The following ZNF555 variants were observed in gnomAD, a reference collection of about 807,000 sequenced individuals.
ZNF555 encodes the protein zinc finger protein 555.
In ZNF555, 10 loss-of-function variants were observed where a neutral mutation model predicts 14.0. The observed-to-expected ratio is 0.72, with a 90% CI of 0.44 to 1.21. The LOEUF is 1.21. ZNF555 is among the 50% of genes most tolerant of loss of function. The pLI is 0.00. For synonymous variants in ZNF555, 277 were observed against 262.4 expected (o/e 1.06, Z -0.54); for missense variants, 747 against 762.0 (o/e 0.98, Z 0.23).
At chr19:2,849,116 G>A (rs558753781) in intron 1 of ZNF555, among the ~76,000 whole-genome samples, 4 of 152,320 alleles carry the variant, frequency 2.6e-5, no homozygotes, top group South Asian at 4.1e-4. Context: ...ATACTCTGCA[G>A]CTCTGTGAAT....
Position 2,855,709 on chromosome 19 carries a change from A to G in ZNF555, c.*1757A>G, listed in dbSNP as rs2087678011. On this transcript the variant is annotated 3_prime_UTR_variant, in exon 4 of 4. Coordinates refer to ENST00000334241, the MANE Select transcript of ZNF555 (RefSeq NM_152791.5). ...CTCAGTTCTGGACCCAGAAATCCAG[A>G]AACAAGGCATTGGCAGGACCATGCT... 6.6e-6 allele frequency: 1 copy of G among 152,220 alleles called. No individual in the cohort carries two copies. Among genetic ancestry groups the G allele is most frequent in the Admixed American group, 6.5e-5 (1 of 15,288 alleles). 9.4% of individuals were successfully genotyped at this position (152,220 alleles called of 1,614,324 possible).
chr19:2,853,317 C>A lies in ZNF555; in HGVS notation c.1252C>A (p.His418Asn). 2 of 1,614,176 alleles carry A rather than the reference C, an allele frequency of 1.2e-6. No individual in the cohort carries two copies. The highest frequency in any genetic ancestry group is 1.7e-6 in the Non-Finnish European group (2 of 1,180,032). Residue 418 changes from histidine to asparagine, a missense_variant, in exon 4 of 4, where the codon CAC becomes AAC. Transcript: ENST00000334241. ...CTCCTTTCGAGGACACATGAGGGTG[C>A]ACACTGGAGAGAAACCCTATGAGTG... ...PSSFRGHMRV[H>N]TGEKPYECKQ... is the part of the protein sequence containing the mutation.
In ZNF555 at chr19:2,859,507, A is replaced by G. The variant is rs1031166342; in HGVS notation, c.*5555A>G. The G allele has an allele frequency of 3.3e-5, 5 of 152,238 alleles. No individual in the cohort carries two copies. The highest frequency in any genetic ancestry group is 9.7e-5 in the African/African-American group (4 of 41,406). The allele number at this position is 152,238 out of a possible 1,614,324, so 9.4% of individuals were successfully genotyped here. On this transcript the variant is annotated 3_prime_UTR_variant, in exon 4 of 4. Coordinates refer to ENST00000334241, the MANE Select transcript of ZNF555 (RefSeq NM_152791.5). ...TGATGGCGTCAGAGGTGACTGCAAAAAAGGACAGGGCAGCTGGGCGAGGAA... is the reference window on the plus strand; with the variant it reads ...TGATGGCGTCAGAGGTGACTGCAAAGAAGGACAGGGCAGCTGGGCGAGGAA...
chr19:2,850,580 G>A lies in ZNF555; in HGVS notation c.4-7G>A. 1 of 1,613,060 alleles carries A rather than the reference G, an allele frequency of 6.2e-7. No individual in the cohort carries two copies. The highest frequency in any genetic ancestry group is 8.5e-7 in the Non-Finnish European group (1 of 1,179,310). On this transcript the variant is annotated splice_polypyrimidine_tract_variant and splice_region_variant and intron_variant, in intron 1 of 3. Transcript: ENST00000334241. ...CATCCTCCCATAAATATGTTGAATT[G>A]TTTTAGGACTCAGTGGTCTTTGAGG...
In ZNF555 at chr19:2,860,311, C is replaced by T. The variant is rs1033367554; in HGVS notation, c.*6359C>T. On this transcript the variant is annotated 3_prime_UTR_variant, in exon 4 of 4. Transcript: ENST00000334241. ...TCAGGAAAGAGTGTCTGTGAATGTC[C>T]ATGTGTCTCACTGCACAGCTGTGAT... 37 of 151,532 alleles carry T rather than the reference C, an allele frequency of 2.4e-4. No homozygotes were observed. Among genetic ancestry groups the T allele is most frequent in the African/African-American group, 8.3e-4 (34 of 41,198 alleles). The allele number at this position is 151,532 out of a possible 1,614,324, so 9.4% of individuals were successfully genotyped here. A position where few individuals can be genotyped will look rare whatever the true frequency, so the allele number is the denominator to read the frequency against.
In ZNF555 at chr19:2,853,393, T is replaced by G. The variant is rs145818821; in HGVS notation, c.1328T>G (p.Met443Arg). ...FNWPISLRKH[M>R]RTHTREKPYE... ...TGGCCCATATCTTTACGAAAACATA[T>G]GAGAACACATACTAGAGAGAAACCC... is the stretch of plus-strand genomic sequence containing the variant. Residue 443 changes from methionine to arginine, a missense_variant, in exon 4 of 4, where the codon ATG (methionine) becomes AGG (arginine). Transcript: ENST00000334241. 2 of 1,613,950 alleles carry G rather than the reference T, an allele frequency of 1.2e-6. No individual in the cohort carries two copies. The highest frequency in any genetic ancestry group is 1.7e-5 in the Admixed American group (1 of 60,004).
At chr19:2,844,168 A>G (rs1401027463) in intron 1 of ZNF555, among the ~76,000 whole-genome samples, 2 of 136,874 alleles carry the variant, frequency 1.5e-5, no homozygotes, top group African/African-American at 2.8e-5. Context: ...AGTGGCAGGA[A>G]CTTGGCTCAC....
At chr19:2,846,617 C>T (rs533314588) in intron 1 of ZNF555, among the ~76,000 whole-genome samples, 1 of 152,328 alleles carries the variant, frequency 6.6e-6, no homozygotes, top group South Asian at 2.1e-4. Context: ...TGGGCAGTGT[C>T]AGGTTTTAGC....
intron 1 of ZNF555, among the ~76,000 whole-genome samples, chr19:2,850,176 A>T (rs909438593): frequency 5.3e-5 from 8 of 152,326 alleles, no homozygotes; most frequent in African/African-American, 1.9e-4. Context: ...TTATCCCATA[A>T]AACTTCAGTT....
In ZNF555 at chr19:2,850,632, G is replaced by A. The variant is rs2087620718; in HGVS notation, c.49G>A (p.Glu17Lys). The change falls in exon 2 of 4, where the codon GAG becomes AAG. Residue 17 changes from glutamate to lysine, a missense_variant. By Grantham distance (56) the Glu-to-Lys change is moderately conservative. Coordinates refer to ENST00000334241, the MANE Select transcript of ZNF555 (RefSeq NM_152791.5). ...EDVAVDFTLE[E>K]WALLDSAQRD... The stretch of plus-strand genomic sequence containing the variant: ...TGTGGCTGTGGACTTCACCCTGGAG[G>A]AGTGGGCTTTGCTGGATTCTGCTCA... The A allele has an allele frequency of 6.2e-7, 1 of 1,613,950 alleles. No individual in the cohort carries two copies. The highest frequency in any genetic ancestry group is 1.7e-5 in the Admixed American group (1 of 59,996).
rs1255019359 is a variant in ZNF555, at chr19:2,851,563, A to G, written c.226A>G (p.Arg76Gly). Residue 76 changes from arginine (R) to glycine (G), a missense_variant, in exon 3 of 4, where the codon AGA becomes GGA. Coordinates refer to ENST00000334241, the MANE Select transcript of ZNF555 (RefSeq NM_152791.5). The part of the protein sequence containing the change: ...PKESKIATFT[R>G]NVSWASVLGK... ...GGAATCTAAAATAGCCACGTTCACCAGAAATGTTTCCTGGGCCTCTGTTTT... is the reference window on the plus strand; with the variant it reads ...GGAATCTAAAATAGCCACGTTCACCGGAAATGTTTCCTGGGCCTCTGTTTT... 1 of 1,612,906 alleles carries G rather than the reference A, an allele frequency of 6.2e-7. No homozygotes were observed. Among genetic ancestry groups the G allele is most frequent in the Non-Finnish European group, 8.5e-7 (1 of 1,179,792 alleles).
chr19:2,852,530 C>G lies in ZNF555; in HGVS notation c.465C>G (p.Arg155=). 6.2e-7 allele frequency: 1 copy of G among 1,614,104 alleles called. No homozygotes were observed. The highest frequency in any genetic ancestry group is 8.5e-7 in the Non-Finnish European group (1 of 1,180,032). Residue 155 remains arginine (R), a synonymous_variant, in exon 4 of 4, where the codon CGC becomes CGG. Coordinates refer to ENST00000334241, the MANE Select transcript of ZNF555 (RefSeq NM_152791.5). Reference sequence around the variant, plus strand: ...CGTACGGAAAAGTCTTCATGCATCGCCGCACATCCCTCAAGAGTCCCATCA... The same window carrying G: ...CGTACGGAAAAGTCTTCATGCATCGGCGCACATCCCTCAAGAGTCCCATCA... ...YNTYGKVFMH[R]RTSLKSPITV... is the part of the protein sequence containing the mutation.
chr19:2,858,810 C>T lies in ZNF555; in HGVS notation c.*4858C>T, dbSNP rs1467560281. On this transcript the variant is annotated 3_prime_UTR_variant, in exon 4 of 4. Transcript: ENST00000334241. ...CCCATGACATCACAAAGATGCCCAG[C>T]TGGGACCCACCTACAGTGATGGGGT... The T allele has an allele frequency of 6.6e-6, 1 of 152,344 alleles. No individual in the cohort carries two copies. Among genetic ancestry groups the T allele is most frequent in the East Asian group, 1.9e-4 (1 of 5,194 alleles). 9.4% of individuals were successfully genotyped at this position (152,344 alleles called of 1,614,324 possible). A position where few individuals can be genotyped will look rare whatever the true frequency, so the allele number is the denominator to read the frequency against.
At chr19:2,849,161 G>A (rs1463870222) in intron 1 of ZNF555, among the ~76,000 whole-genome samples, 1 of 152,104 alleles carries the variant, frequency 6.6e-6, no homozygotes, top group East Asian at 1.9e-4. Flanking sequence ...CTGCGTGACA[G>A]TATTTTGTCT....
rs1289711849 is a variant in ZNF555, at chr19:2,853,903, A to G, written c.1838A>G (p.His613Arg). ...EFMCSASEKS[H>R]QERDLIKVVN... ...ATGTGCAGTGCTTCAGAAAAGTCAC[A>G]CCAGGAGAGAGATCTGATCAAAGTT... is the stretch of plus-strand genomic sequence containing the variant. Residue 613 changes from histidine to arginine, a missense_variant, in exon 4 of 4, where the codon CAC becomes CGC. His to Arg is a conservative substitution (Grantham distance 29). Coordinates refer to ENST00000334241, the MANE Select transcript of ZNF555 (RefSeq NM_152791.5). 2 of 1,613,962 alleles carry G rather than the reference A, an allele frequency of 1.2e-6. No individual in the cohort carries two copies. The highest frequency in any genetic ancestry group is 1.1e-5 in the South Asian group (1 of 91,084).
chr19:2,843,413 C>G (rs1297585154), intron 1 of ZNF555, among the ~76,000 whole-genome samples: 1 of 152,166 alleles, frequency 6.6e-6, no homozygotes, highest in African/African-American at 2.4e-5. Context: ...GATTCTCCCT[C>G]CTCGACCAGC....
chr19:2,841,650 G>A (rs1334208211), intron 1 of ZNF555, 75 bp downstream of exon 1: 4 of 1,398,496 alleles, frequency 2.9e-6, no homozygotes, highest in Admixed American at 3.3e-5. Context: ...CGGCTTGGGG[G>A]GAGCTGAGGG....
In ZNF555 at chr19:2,852,789, A is replaced by T; in HGVS notation, c.724A>T (p.Ser242Cys). Reference sequence around the variant, plus strand: ...TGGGAAAGCCTTTATTGACTTCTCAAGTCTTACTAGTCATCTCAGAAGTCA... The same window carrying T: ...TGGGAAAGCCTTTATTGACTTCTCATGTCTTACTAGTCATCTCAGAAGTCA... ...QCGKAFIDFS[S>C]LTSHLRSHTG... is the part of the protein sequence containing the mutation. Residue 242 changes from serine to cysteine, a missense_variant, in exon 4 of 4, where the codon AGT (serine) becomes TGT (cysteine). Physicochemically the swap from Ser to Cys is moderately radical, Grantham distance 112 (BLOSUM62 -1). Coordinates refer to ENST00000334241, the MANE Select transcript of ZNF555 (RefSeq NM_152791.5). The T allele has an allele frequency of 6.2e-7, 1 of 1,614,120 alleles. No individual in the cohort carries two copies. The highest frequency in any genetic ancestry group is 8.5e-7 in the Non-Finnish European group (1 of 1,180,004).
intron 1 of ZNF555, 31 bp from the exon 2 acceptor site, chr19:2,850,556 A>T (rs1004759900): frequency 6.2e-7 from 1 of 1,608,830 alleles, no homozygotes; most frequent in African/African-American, 1.3e-5. Context: ...GGTCTCAACC[A>T]TCCTCCCATA....
Sources: gnomAD v4.1 joint callset for allele counts (sites outside exome capture counted in the v4.1 genomes callset) on GRCh38, gnomAD v4.1.1 for gene constraint, MANE v1.5 for transcripts, NCBI Gene and HGNC (gene_info 2026-07-23, HGNC 2026-07-21) for gene names.